The following FBXO40 variants were observed in gnomAD, a reference collection of about 807,000 sequenced individuals.
FBXO40 encodes the protein F-box protein 40.
A neutral mutation model predicts 49.9 loss-of-function variants in FBXO40; 50 were observed. That is an observed-to-expected ratio of 1.00 (90% CI 0.80 to 1.27). The LOEUF (loss-of-function observed/expected upper bound fraction) is 1.27. Among genes scored for constraint, FBXO40 ranks in the 50% most tolerant of loss-of-function variants. FBXO40 has a pLI of 0.00. For synonymous variants in FBXO40, 340 were observed against 320.2 expected (o/e 1.06, Z -0.66); for missense variants, 895 against 870.1 (o/e 1.03, Z -0.36).
chr3:121,605,852 G>C lies in FBXO40; in HGVS notation c.-31+12350G>C, dbSNP rs577718610. 1.1e-4 allele frequency among the ~76,000 whole-genome samples: 17 copies of C among 152,338 alleles called. No individual in the cohort carries two copies. The South Asian group carries it at 1.9e-3, about 17-fold the overall frequency. On this transcript the variant is annotated intron_variant, in intron 1 of 3. Coordinates refer to ENST00000338040, the MANE Select transcript of FBXO40 (RefSeq NM_016298.4). ...CTGTAAGTTATCTAAGCATGTCCCTGTGTGGGGGATATCCACCAGGGCAAG... is the reference window on the plus strand; with the variant it reads ...CTGTAAGTTATCTAAGCATGTCCCTCTGTGGGGGATATCCACCAGGGCAAG...
chr3:121,604,927 T>A (rs2048923110), intron 1 of FBXO40, among the ~76,000 whole-genome samples: 1 of 146,944 alleles, frequency 6.8e-6, no homozygotes, highest in South Asian at 2.2e-4. Flanking sequence ...TGGAGAAGGT[T>A]GGCTGGCTTT....
intron 3 of FBXO40, among the ~76,000 whole-genome samples, chr3:121,624,854 C>T (rs904162093): frequency 6.6e-6 from 1 of 152,058 alleles, no homozygotes; most frequent in African/African-American, 2.4e-5. Flanking sequence ...CTATACCCTG[C>T]TCTCGTGTCT....
At chr3:121,607,560 C>G (rs1017729289) in intron 1 of FBXO40, among the ~76,000 whole-genome samples, 1 of 151,858 alleles carries the variant, frequency 6.6e-6, no homozygotes, top group African/African-American at 2.4e-5. Context: ...CCGCCCACCT[C>G]GGCCTCCCAA....
chr3:121,619,322 ATGGAT>A (rs932583695), intron 1 of FBXO40, among the ~76,000 whole-genome samples: 11 of 152,122 alleles, frequency 7.2e-5, no homozygotes, highest in African/African-American at 2.4e-4. Context: ...TTTTAAACTT[ATGGAT>A]CTTCTGACAT....
rs547127157 is a variant in FBXO40, at chr3:121,615,507, A to G, written c.-30-5039A>G. 2.0e-5 allele frequency among the ~76,000 whole-genome samples: 3 copies of G among 149,858 alleles called. No homozygotes were observed. In the South Asian group the frequency reaches 6.3e-4, roughly 31 times the overall value. ...GAGGTGGAGGTTGCAGTGAGCCAAGATAGTGCCACTGCAATCCAGCCTGGG... is the reference window on the plus strand; with the variant it reads ...GAGGTGGAGGTTGCAGTGAGCCAAGGTAGTGCCACTGCAATCCAGCCTGGG... On this transcript the variant is annotated intron_variant, in intron 1 of 3. Coordinates refer to ENST00000338040, the MANE Select transcript of FBXO40 (RefSeq NM_016298.4).
At position 121,622,245 on chromosome 3, in the gene FBXO40, T is replaced by C. The variant is rs765888139; in HGVS notation, c.816T>C (p.Asn272=). The change falls in exon 3 of 4, where the codon AAT becomes AAC. Residue 272 remains asparagine (N), a synonymous_variant. Coordinates refer to ENST00000338040, the MANE Select transcript of FBXO40 (RefSeq NM_016298.4). ...CCAAAAAGAAAGAACCACAGGAAAATCAGAAGCAGCAGGACGTTCGTACAG... is the reference window on the plus strand; with the variant it reads ...CCAAAAAGAAAGAACCACAGGAAAACCAGAAGCAGCAGGACGTTCGTACAG... The part of the protein sequence containing the change: ...GAPKKKEPQE[N]QKQQDVRTAM... The C allele has an allele frequency of 3.1e-6, 5 of 1,613,670 alleles. No individual in the cohort carries two copies. Among genetic ancestry groups the C allele is most frequent in the Non-Finnish European group, 3.4e-6 (4 of 1,179,954 alleles).
intron 1 of FBXO40, among the ~76,000 whole-genome samples, chr3:121,609,961 A>G (rs2048955851): frequency 6.6e-6 from 1 of 152,206 alleles, no homozygotes; most frequent in African/African-American, 2.4e-5. Flanking sequence ...AGCAATGGCT[A>G]ATTGTCCAAC....
intron 1 of FBXO40, among the ~76,000 whole-genome samples, chr3:121,608,490 A>C (rs2048947295): frequency 1.3e-5 from 2 of 152,226 alleles, no homozygotes. Flanking sequence ...AATTTGCTCC[A>C]TAACCTGTAT....
At position 121,622,581 on chromosome 3, in the gene FBXO40, G is replaced by C; in HGVS notation, c.1152G>C (p.Gly384=). 6.2e-7 allele frequency: 1 copy of C among 1,614,198 alleles called. No homozygotes were observed. Among genetic ancestry groups the C allele is most frequent in the South Asian group, 1.1e-5 (1 of 91,072 alleles). ...AGGCAGTGGATACTTCAGATTTGGG[G>C]ATCACTGTGGAGGACCTGCCCAAAT... ...EHKAVDTSDL[G]ITVEDLPKSD... is the part of the protein sequence containing the mutation. Residue 384 remains glycine, a synonymous_variant, in exon 3 of 4, where the codon GGG becomes GGC. Coordinates refer to ENST00000338040, the MANE Select transcript of FBXO40 (RefSeq NM_016298.4).
rs772415229 is a variant in FBXO40, at chr3:121,626,888, C to T, written c.2108C>T (p.Pro703Leu). 3.1e-6 allele frequency: 5 copies of T among 1,614,096 alleles called. No individual in the cohort carries two copies. The highest frequency in any genetic ancestry group is 3.4e-6 in the Non-Finnish European group (4 of 1,180,002). The change falls in exon 4 of 4, where the codon CCA becomes CTA. Residue 703 changes from proline (P) to leucine (L), a missense_variant. Coordinates refer to ENST00000338040, the MANE Select transcript of FBXO40 (RefSeq NM_016298.4). ...ESLVSTFRIR[P>L]RGRYVS ...TTAGTCTCCACCTTTAGAATCAGAC[C>T]ACGAGGAAGATACGTCTCCTAAAAA...
At chr3:121,603,782 G>C (rs112287507) in intron 1 of FBXO40, among the ~76,000 whole-genome samples, 2,607 of 152,090 alleles carry the variant, frequency 0.017, 77 homozygotes, top group African/African-American at 0.059. Flanking sequence ...GCAGTGGCAC[G>C]ATCTCAGCTC....
chr3:121,625,347 T>C (rs768930416), intron 3 of FBXO40, among the ~76,000 whole-genome samples: 3 of 152,210 alleles, frequency 2.0e-5, no homozygotes, highest in African/African-American at 4.8e-5. Flanking sequence ...CTTCCTAATA[T>C]GTGGTATTTG....
At chr3:121,615,386 G>A (rs761573188) in intron 1 of FBXO40, among the ~76,000 whole-genome samples, 13 of 151,358 alleles carry the variant, frequency 8.6e-5, no homozygotes, top group South Asian at 2.1e-4. Flanking sequence ...GCAAAACCCC[G>A]TCTCTTCTAA....
chr3:121,593,516 C>G lies in FBXO40; in HGVS notation c.-31+14C>G, dbSNP rs1231384243. On this transcript the variant is annotated intron_variant, in intron 1 of 3. Coordinates refer to ENST00000338040, the MANE Select transcript of FBXO40 (RefSeq NM_016298.4). ...TGTTCCATTAAGGTAAGTATTCAAACAGGAGCAGGTGCACCATGACGAGGA... is the reference window on the plus strand; with the variant it reads ...TGTTCCATTAAGGTAAGTATTCAAAGAGGAGCAGGTGCACCATGACGAGGA... 6.6e-6 allele frequency: 1 copy of G among 152,218 alleles called. No individual in the cohort carries two copies. The highest frequency in any genetic ancestry group is 2.4e-5 in the African/African-American group (1 of 41,438). The allele number at this position is 152,218 out of a possible 1,614,324, so 9.4% of individuals were successfully genotyped here.
intron 1 of FBXO40, among the ~76,000 whole-genome samples, chr3:121,606,988 G>C (rs1351432705): frequency 6.6e-6 from 1 of 152,178 alleles, no homozygotes; most frequent in Non-Finnish European, 1.5e-5. Context: ...AGATAGGCTT[G>C]GTGTGGTGGC....
At chr3:121,619,904 C>A (rs1397048032) in intron 1 of FBXO40, among the ~76,000 whole-genome samples, 2 of 152,204 alleles carry the variant, frequency 1.3e-5, no homozygotes, top group African/African-American at 4.8e-5. Flanking sequence ...TCCCACATGG[C>A]ATCAATTAAC....
chr3:121,611,313 A>G (rs2048963862), intron 1 of FBXO40, among the ~76,000 whole-genome samples: 1 of 152,202 alleles, frequency 6.6e-6, no homozygotes, highest in African/African-American at 2.4e-5. Context: ...TTTCAGCAAA[A>G]AGGAATGTAG....
intron 1 of FBXO40, among the ~76,000 whole-genome samples, chr3:121,605,817 C>G (rs2048929618): frequency 6.6e-6 from 1 of 152,200 alleles, no homozygotes; most frequent in African/African-American, 2.4e-5. Flanking sequence ...TTAAGTCCCT[C>G]TAAGTATGTC....
chr3:121,628,169 CT>C lies in FBXO40; in HGVS notation c.*1272del, dbSNP rs547251674. Reference sequence around the variant, plus strand: ...TATTGACATTTTTAAATGGATAATTCTTTTTTTTTTTTTCTAGGTGGGGAGG... The same window carrying C: ...TATTGACATTTTTAAATGGATAATTCTTTTTTTTTTTTCTAGGTGGGGAGG... On this transcript the variant is annotated 3_prime_UTR_variant, in exon 4 of 4. Transcript: ENST00000338040. 0.04 allele frequency: 10,625 copies of C among 266,294 alleles called. No individual in the cohort carries two copies. The highest frequency in any genetic ancestry group is 0.08 in the East Asian group (1,343 of 16,886). The allele number at this position is 266,294 out of a possible 1,614,324, so 16.5% of individuals were successfully genotyped here.
Sources: allele counts gnomAD v4.1 joint callset (sites outside exome capture counted in the v4.1 genomes callset), GRCh38; gene constraint gnomAD v4.1.1; transcripts MANE v1.5; gene names NCBI Gene and HGNC (gene_info 2026-07-23, HGNC 2026-07-21).